Variants in NPFFR2 observed in about 807,000 individuals in gnomAD.
NPFFR2 encodes the protein neuropeptide FF receptor 2.
In NPFFR2, 15 loss-of-function variants were observed where a neutral mutation model predicts 13.1. The observed-to-expected ratio is 1.15, with a 90% confidence interval of 0.77 to 1.76. NPFFR2 has a LOEUF of 1.76. NPFFR2 is among the 40% of genes most tolerant of loss of function. NPFFR2 has a pLI of 0.00. For missense variants in NPFFR2, 572 were observed against 503.5 expected, an observed-to-expected ratio of 1.14 and a Z score of -1.30; for synonymous variants, 190 against 175.7, an observed-to-expected ratio of 1.08 and a Z score of -0.65.
chr4:72,095,672 A>G lies in NPFFR2; in HGVS notation c.-7-32913A>G, dbSNP rs917919793. Among the ~76,000 whole-genome samples, 69 of 152,190 alleles carry G rather than the reference A, an allele frequency of 4.5e-4. 1 individual carries two copies. The highest frequency in any genetic ancestry group is 8.8e-5 in the Non-Finnish European group (6 of 68,024). ...GGGGAGAGGCACTATTATGGGCCCT[A>G]TATAAGCCCCAGTACTGCTCACTCT... On this transcript the variant is annotated intron_variant, in intron 1 of 3. Transcript: ENST00000308744.
intron 1 of NPFFR2, among the ~76,000 whole-genome samples, chr4:72,041,180 A>T (rs750237434): frequency 1.3e-5 from 2 of 151,946 alleles, no homozygotes; most frequent in Non-Finnish European, 2.9e-5. Flanking sequence ...CTTAGTGTCT[A>T]TTGTGCCCAT....
chr4:72,101,826 G>A (rs1326219832), intron 1 of NPFFR2, among the ~76,000 whole-genome samples: 1 of 151,954 alleles, frequency 6.6e-6, no homozygotes, highest in Non-Finnish European at 1.5e-5. Flanking sequence ...TCTCCAGCTG[G>A]GACTCATGGG....
In NPFFR2 at chr4:72,060,699, G is replaced by A. The variant is rs116993331; in HGVS notation, c.-8+28499G>A. On this transcript the variant is annotated intron_variant, in intron 1 of 3. Coordinates refer to ENST00000308744, the MANE Select transcript of NPFFR2 (RefSeq NM_004885.3). ...CGTTGAGCTGAGAATTTAGAACCCC[G>A]AGCTTGTCATTCTTATTATTATTTG... 6.7e-4 allele frequency among the ~76,000 whole-genome samples: 102 copies of A among 152,084 alleles called. No homozygotes were observed. The East Asian group carries it at 0.017, about 25-fold the overall frequency.
At chr4:72,112,691 A>G (rs1721600386) in intron 1 of NPFFR2, among the ~76,000 whole-genome samples, 1 of 151,964 alleles carries the variant, frequency 6.6e-6, no homozygotes, top group South Asian at 2.1e-4. Flanking sequence ...CTTGTGAGTC[A>G]TATGTCTCAT....
At chr4:72,129,096 AATAATTAT>A (rs1307059011) in intron 2 of NPFFR2, among the ~76,000 whole-genome samples, 177 bp downstream of exon 2, 1 of 152,228 alleles carries the variant, frequency 6.6e-6, no homozygotes, top group Non-Finnish European at 1.5e-5. Context: ...ATGGACAATA[AATAATTAT>A]ATTAGAGAAT....
intron 1 of NPFFR2, chr4:72,039,353 C>G (rs1027724150): frequency 1.4e-5 from 14 of 982,936 alleles, no homozygotes; most frequent in African/African-American, 1.0e-4. Flanking sequence ...CCACCGCGCC[C>G]GGCCAATTTC....
In NPFFR2 at chr4:72,147,693, G is replaced by T; in HGVS notation, c.1144G>T (p.Glu382Ter). The T allele has an allele frequency of 1.2e-6, 2 of 1,613,960 alleles. No individual in the cohort carries two copies. The highest frequency in any genetic ancestry group is 4.5e-5 in the East Asian group (2 of 44,870). ...AAACACATCTAATCAGCTTGTCCAG[G>T]AATCTACATTTCAAAACCCTCATGG... ...LINTSNQLVQ[E>*]STFQNPHGET... The change falls in exon 4 of 4, where the codon GAA (glutamate) becomes TAA (stop). Residue 382 changes from glutamate to a stop codon, truncating the protein, a stop_gained. Coordinates refer to ENST00000308744, the MANE Select transcript of NPFFR2 (RefSeq NM_004885.3). LOFTEE classifies it low-confidence loss of function (END_TRUNC).
chr4:72,128,942 T>G (rs754719916), intron 2 of NPFFR2, 23 bp downstream of exon 2: 1 of 1,533,526 alleles, frequency 6.5e-7, no homozygotes, highest in South Asian at 1.2e-5. Flanking sequence ...TTGTGCAGTT[T>G]GAAGATAATA....
chr4:72,128,523 A>G, intron 1 of NPFFR2, 62 bp from the exon 2 acceptor site: 1 of 1,016,594 alleles, frequency 9.8e-7, no homozygotes, highest in Non-Finnish European at 1.4e-6. Context: ...AAACTCAGGC[A>G]CAGAATTTAT....
intron 1 of NPFFR2, among the ~76,000 whole-genome samples, chr4:72,084,423 A>C (rs1720711803): frequency 6.6e-6 from 1 of 152,180 alleles, no homozygotes; most frequent in South Asian, 2.1e-4. Flanking sequence ...ATGAAATTGA[A>C]AAAGACTTAG....
At chr4:72,126,098 A>G (rs1267867389) in intron 1 of NPFFR2, among the ~76,000 whole-genome samples, 2 of 152,354 alleles carry the variant, frequency 1.3e-5, no homozygotes, top group Non-Finnish European at 2.9e-5. Context: ...AAATATTGCT[A>G]AACTGATGTT....
chr4:72,103,392 C>T (rs1302156918), intron 1 of NPFFR2, among the ~76,000 whole-genome samples: 4 of 151,706 alleles, frequency 2.6e-5, no homozygotes, highest in African/African-American at 9.7e-5. Context: ...GCACTTTGAC[C>T]TCCTGCCTTG....
chr4:72,096,609 A>G (rs991133334), intron 1 of NPFFR2, among the ~76,000 whole-genome samples: 5 of 152,080 alleles, frequency 3.3e-5, no homozygotes, highest in Non-Finnish European at 7.4e-5. Context: ...AGGAAGCTAC[A>G]TCAGTATCAA....
intron 1 of NPFFR2, among the ~76,000 whole-genome samples, chr4:72,109,819 G>A (rs1285235077): frequency 6.6e-6 from 1 of 151,942 alleles, no homozygotes; most frequent in Non-Finnish European, 1.5e-5. Flanking sequence ...CAATGTGCAG[G>A]TGTGCCCTTG....
intron 1 of NPFFR2, 144 bp from the exon 2 acceptor site, chr4:72,128,441 T>C (rs1408252397): frequency 3.6e-6 from 2 of 554,458 alleles, no homozygotes; most frequent in Non-Finnish European, 6.3e-6. Context: ...TATAATTCAG[T>C]TTTATGTAAA....
intron 1 of NPFFR2, among the ~76,000 whole-genome samples, chr4:72,040,956 C>G (rs903883212): frequency 4.5e-5 from 6 of 134,066 alleles, no homozygotes; most frequent in African/African-American, 1.3e-4. Context: ...ATTTTAATTT[C>G]TAGGTGCTAT....
intron 1 of NPFFR2, among the ~76,000 whole-genome samples, chr4:72,088,353 G>A (rs377013132): frequency 3.0e-4 from 46 of 151,826 alleles, no homozygotes; most frequent in African/African-American, 1.1e-3. Flanking sequence ...AAAATGTGTA[G>A]GTTTTGACCT....
At chr4:72,103,641 T>G (rs1721323002) in intron 1 of NPFFR2, among the ~76,000 whole-genome samples, 1 of 152,036 alleles carries the variant, frequency 6.6e-6, no homozygotes, top group African/African-American at 2.4e-5. Context: ...AATAATTGTA[T>G]ATCATCAAAA....
chr4:72,127,460 T>C (rs1455906950), intron 1 of NPFFR2, among the ~76,000 whole-genome samples: 11 of 126,522 alleles, frequency 8.7e-5, no homozygotes, highest in Non-Finnish European at 1.6e-4. Context: ...GCCTCCCGGG[T>C]TCACGCCATT....
Sources: gnomAD v4.1 joint callset for allele counts (sites outside exome capture counted in the v4.1 genomes callset) on GRCh38, gnomAD v4.1.1 for gene constraint, MANE v1.5 for transcripts, NCBI Gene and HGNC (gene_info 2026-07-23, HGNC 2026-07-21) for gene names.